Variants in NLRP1 observed in about 807,000 individuals in gnomAD.
The protein encoded by NLRP1 is NACHT, LRR and PYD domains-containing protein 1.
In NLRP1, 94 loss-of-function variants were observed where a neutral mutation model predicts 136.7. The ratio of observed to expected loss-of-function variants is 0.69; its 90% CI spans 0.58 to 0.82. NLRP1 has a LOEUF of 0.82. Ranked by LOEUF, NLRP1 falls within the 40% of genes least tolerant of loss-of-function variation. NLRP1 has a pLI of 0.00. For missense variants in NLRP1, 1,575 were observed against 1,802.7 expected (o/e 0.87, Z 2.29); for synonymous variants, 690 against 725.1 (o/e 0.95, Z 0.78).
chr17:5,546,471 CT>C (rs753553288), intron 5 of NLRP1, among the ~76,000 whole-genome samples: 31 of 152,188 alleles, frequency 2.0e-4, no homozygotes, highest in Non-Finnish European at 3.8e-4. Context: ...GGTCTCTCCC[CT>C]GACCTTGCTC....
intron 15 of NLRP1, among the ~76,000 whole-genome samples, chr17:5,506,774 C>T (rs1907357888): frequency 6.6e-6 from 1 of 151,264 alleles, no homozygotes; most frequent in African/African-American, 2.4e-5. Context: ...TGATGGTCGA[C>T]ACCTGTAATC....
At chr17:5,578,860 C>A (rs551825739) in intron 3 of NLRP1, among the ~76,000 whole-genome samples, 10 of 152,304 alleles carry the variant, frequency 6.6e-5, no homozygotes, top group East Asian at 1.9e-4. Context: ...TGGAACCAAC[C>A]CAAATGTCCA....
In NLRP1 at chr17:5,542,089, T is replaced by C. The variant is rs1339690054; in HGVS notation, c.2529-62A>G. 8 of 1,513,940 alleles carry C rather than the reference T, an allele frequency of 5.3e-6. No homozygotes were observed. In the South Asian group the frequency reaches 9.4e-5, roughly 18 times the overall value. The allele number at this position is 1,513,940 out of a possible 1,614,324, so 93.8% of individuals were successfully genotyped here. A position where few individuals can be genotyped will look rare whatever the true frequency, so the allele number is the denominator to read the frequency against. ...CACCTGTTGATTCAACAGACACCCATAAGCAACCATTAATCACCTACTATG... is the reference window on the plus strand; with the variant it reads ...CACCTGTTGATTCAACAGACACCCACAAGCAACCATTAATCACCTACTATG... On this transcript the variant is annotated intron_variant, in intron 5 of 16. Coordinates refer to ENST00000572272, the MANE Select transcript of NLRP1 (RefSeq NM_033004.4).
intron 3 of NLRP1, among the ~76,000 whole-genome samples, chr17:5,568,363 G>C (rs1209691815): frequency 6.6e-6 from 1 of 152,042 alleles, no homozygotes; most frequent in Admixed American, 6.6e-5. Context: ...GCATTCTTCA[G>C]TATGCAAATT....
intron 5 of NLRP1, among the ~76,000 whole-genome samples, chr17:5,552,406 G>T (rs1913487146): frequency 1.3e-5 from 2 of 152,012 alleles, no homozygotes; most frequent in Admixed American, 1.3e-4. Flanking sequence ...TTTGTTTTAT[G>T]GGGCGATCTT....
chr17:5,553,645 TC>T, intron 4 of NLRP1, 89 bp from the exon 5 acceptor site: 1 of 1,247,726 alleles, frequency 8.0e-7, no homozygotes, highest in Non-Finnish European at 1.1e-6. Context: ...TTGGGCTTTG[TC>T]CCCCTGAGCA....
chr17:5,512,501 T>TAA, downstream of NLRP1: 2 of 657,178 alleles, frequency 3.0e-6, no homozygotes, highest in Non-Finnish European at 5.6e-6. Context: ...CCTTGTCTTT[T>TAA]AAATCTTCTT....
intron 15 of NLRP1, chr17:5,502,644 G>C (rs192898345): frequency 3.9e-5 from 6 of 152,832 alleles, no homozygotes; most frequent in East Asian, 1.9e-4. Context: ...GGAATGGAAG[G>C]ATGGTTTAGG....
chr17:5,522,380 A>T (rs1212248320), intron 12 of NLRP1, among the ~76,000 whole-genome samples: 3 of 152,230 alleles, frequency 2.0e-5, no homozygotes, highest in African/African-American at 7.2e-5. Context: ...AAGAGACTCA[A>T]GGGAGCTTGC....
rs71151872 is a variant in NLRP1 at position 5,552,084 on chromosome 17, C to CT, written c.2528+1301dup. Among the ~76,000 whole-genome samples, 258 of 96,638 alleles carry CT rather than the reference C, an allele frequency of 2.7e-3. 2 individuals carry two copies. The highest frequency in any genetic ancestry group is 5.6e-3 in the African/African-American group (105 of 18,792). 63.4% of individuals were successfully genotyped at this position (96,638 alleles called of 152,430 possible). On this transcript the variant is annotated intron_variant, in intron 5 of 16. Transcript: ENST00000572272. ...GCCATCATGTCTGGCTCTATCTTTC[C>CT]TTTTTTTTTTTTTTTTTTTTTTTTT...
intron 12 of NLRP1, among the ~76,000 whole-genome samples, chr17:5,523,159 A>G (rs144174463): frequency 6.6e-6 from 1 of 152,120 alleles, no homozygotes; most frequent in African/African-American, 2.4e-5. Context: ...GGTGGTGCAC[A>G]CTCATAATTC....
chr17:5,553,661 G>T, intron 4 of NLRP1, 105 bp from the exon 5 acceptor site: 1 of 1,013,356 alleles, frequency 9.9e-7, no homozygotes, highest in Non-Finnish European at 1.5e-6. Flanking sequence ...TGAGCACCAG[G>T]CCACAGCGGG....
chr17:5,562,061 T>C (rs1206848693), intron 3 of NLRP1, among the ~76,000 whole-genome samples: 1 of 151,960 alleles, frequency 6.6e-6, no homozygotes, highest in East Asian at 1.9e-4. Context: ...CAGCCTCCTG[T>C]TACTGCCCAG....
At chr17:5,566,233 T>C (rs1385030837) in intron 3 of NLRP1, among the ~76,000 whole-genome samples, 1 of 152,136 alleles carries the variant, frequency 6.6e-6, no homozygotes, top group African/African-American at 2.4e-5. Flanking sequence ...TTGTTCCTGC[T>C]TTTCTCTCTT....
Position 5,559,210 on chromosome 17 carries a change from C to T in NLRP1, c.1486G>A (p.Asp496Asn), listed in dbSNP as rs777990475. 6.8e-6 allele frequency: 11 copies of T among 1,614,214 alleles called. No homozygotes were observed. The highest frequency in any genetic ancestry group is 9.3e-6 in the Non-Finnish European group (11 of 1,180,040). Residue 496 changes from aspartate to asparagine, a missense_variant, in exon 4 of 17, where the codon GAT becomes AAT. Coordinates refer to ENST00000572272, the MANE Select transcript of NLRP1 (RefSeq NM_033004.4). ...AAGGCTCTAATTGCTTGCCTTTCAT[C>T]TGTGAAATATCTGTAGAAATATTCC... ...RKEYFYRYFT[D>N]ERQAIRAFRL...
chr17:5,520,017 C>T (rs1908697639), intron 14 of NLRP1, among the ~76,000 whole-genome samples: 1 of 151,966 alleles, frequency 6.6e-6, no homozygotes, highest in African/African-American at 2.4e-5. Flanking sequence ...CCACCACACC[C>T]AGCTAATTTT....
At position 5,542,121 on chromosome 17, in the gene NLRP1, G is replaced by A. The variant is rs561002299; in HGVS notation, c.2529-94C>T. Reference sequence around the variant, plus strand: ...CCATTAATCACCTACTATGCACCAGGCCTGTGGGCCAGGCAGAGGTCTAGA... The same window carrying A: ...CCATTAATCACCTACTATGCACCAGACCTGTGGGCCAGGCAGAGGTCTAGA... On this transcript the variant is annotated intron_variant, in intron 5 of 16. Coordinates refer to ENST00000572272, the MANE Select transcript of NLRP1 (RefSeq NM_033004.4). The A allele has an allele frequency of 2.4e-4, 306 of 1,273,510 alleles. No individual in the cohort carries two copies. In the African/African-American group the frequency reaches 4.1e-3, roughly 17 times the overall value. 78.9% of individuals were successfully genotyped at this position (1,273,510 alleles called of 1,614,324 possible).
At chr17:5,549,736 T>C (rs1302906556) in intron 5 of NLRP1, among the ~76,000 whole-genome samples, 4 of 152,236 alleles carry the variant, frequency 2.6e-5, no homozygotes. Flanking sequence ...CAGTGTTGAA[T>C]AGAAATGGCA....
chr17:5,542,307 G>A (rs1450098059), intron 5 of NLRP1, among the ~76,000 whole-genome samples: 1 of 152,044 alleles, frequency 6.6e-6, no homozygotes, highest in Non-Finnish European at 1.5e-5. Flanking sequence ...AGGGCTCTGG[G>A]GACTTGGATC....
Sources: gnomAD v4.1 joint callset for allele counts (sites outside exome capture counted in the v4.1 genomes callset) on GRCh38, gnomAD v4.1.1 for gene constraint, MANE v1.5 for transcripts, NCBI Gene and HGNC (gene_info 2026-07-23, HGNC 2026-07-21) for gene names.